Variants in CEP43 observed in about 807,000 individuals in gnomAD.
CEP43 encodes the protein FGFR1 oncogene partner.
Under a neutral mutation model 52.6 loss-of-function variants are expected in CEP43, and 36 were observed. That is an observed-to-expected ratio of 0.68 (90% CI 0.52 to 0.90). CEP43 has a LOEUF of 0.90. Ranked by LOEUF, CEP43 falls within the 40% of genes least tolerant of loss-of-function variation. CEP43 has a pLI of 0.00. For synonymous variants in CEP43, 192 were observed against 172.4 expected, an observed-to-expected ratio of 1.11 and a Z score of -0.89; for missense variants, 506 against 472.8, an observed-to-expected ratio of 1.07 and a Z score of -0.65.
intron 8 of CEP43, among the ~76,000 whole-genome samples, 188 bp downstream of exon 8, chr6:167,022,823 T>G (rs1171199902): frequency 6.6e-6 from 1 of 152,134 alleles, no homozygotes; most frequent in African/African-American, 2.4e-5. Flanking sequence ...TAGACATGAT[T>G]TATTCCAACA....
Position 167,040,290 on chromosome 6 carries a change from G to T in CEP43, c.*312G>T, listed in dbSNP as rs1780668909. 2 of 1,463,240 alleles carry T rather than the reference G, an allele frequency of 1.4e-6. No homozygotes were observed. The highest frequency in any genetic ancestry group is 1.8e-6 in the Non-Finnish European group (2 of 1,117,268). 90.6% of individuals were successfully genotyped at this position (1,463,240 alleles called of 1,614,324 possible). ...ATCAGTGTTAAGAGCATGATGAAAG[G>T]TGTCAATAAAGCCGTAGGATCGCGC... On this transcript the variant is annotated 3_prime_UTR_variant, in exon 13 of 13. Transcript: ENST00000366847.
Position 167,044,359 on chromosome 6 carries a change from A to G in CEP43, c.*4381A>G. 2.0e-6 allele frequency: 2 copies of G among 983,326 alleles called. No homozygotes were observed. Among genetic ancestry groups the G allele is most frequent in the Non-Finnish European group, 2.4e-6 (2 of 828,006 alleles). The allele number at this position is 983,326 out of a possible 1,614,324, so 60.9% of individuals were successfully genotyped here. A position where few individuals can be genotyped will look rare whatever the true frequency, so the allele number is the denominator to read the frequency against. ...CAGGGCTGAATAATGGGATGACTCA[A>G]AATCAGTAAGCTCAAAGGCAATTTC... On this transcript the variant is annotated 3_prime_UTR_variant, in exon 13 of 13. Transcript: ENST00000366847.
At chr6:166,999,731 G>A (rs764377322) in intron 1 of CEP43, 1 of 490,726 alleles carries the variant, frequency 2.0e-6, no homozygotes. Context: ...CGGACTGGGG[G>A]TGCCTGGCCC....
intron 8 of CEP43, among the ~76,000 whole-genome samples, chr6:167,023,240 A>G (rs2128664358): frequency 6.6e-6 from 1 of 152,202 alleles, no homozygotes; most frequent in South Asian, 2.1e-4. Flanking sequence ...CTTTTCTTTG[A>G]GACTGGAAGC....
At chr6:167,008,912 C>T (rs953449123) in intron 5 of CEP43, among the ~76,000 whole-genome samples, 3 of 152,120 alleles carry the variant, frequency 2.0e-5, no homozygotes, top group African/African-American at 7.2e-5. Flanking sequence ...AAGTGAAACA[C>T]ATAAGAAGGC....
At position 167,010,696 on chromosome 6, in the gene CEP43, GAAATA is replaced by G. The variant is rs1779965173; in HGVS notation, c.439-111_439-107del. 8.0e-6 allele frequency: 4 copies of G among 501,112 alleles called. No individual in the cohort carries two copies. The East Asian group carries it at 1.4e-4, about 18-fold the overall frequency. The allele number at this position is 501,112 out of a possible 1,614,324, so 31.0% of individuals were successfully genotyped here. ...CTAAAAAGGATGGTTACTTTAATAA[GAAATA>G]AAATACCAACATTGTATAGTGTTTT... On this transcript the variant is annotated intron_variant, in intron 5 of 12. Transcript: ENST00000366847.
intron 8 of CEP43, among the ~76,000 whole-genome samples, chr6:167,022,989 A>T (rs1409953178): frequency 6.6e-6 from 1 of 152,110 alleles, no homozygotes; most frequent in Admixed American, 6.5e-5. Context: ...GGGTGATGAG[A>T]GCAGAGCAGT....
chr6:167,014,899 A>G (rs1780060258), intron 7 of CEP43, among the ~76,000 whole-genome samples: 2 of 152,256 alleles, frequency 1.3e-5, no homozygotes, highest in African/African-American at 4.8e-5. Flanking sequence ...AATAGATTTT[A>G]AAAATCAGTT....
At chr6:167,030,746 A>G (rs1463223173) in intron 10 of CEP43, among the ~76,000 whole-genome samples, 2 of 151,902 alleles carry the variant, frequency 1.3e-5, no homozygotes, top group Non-Finnish European at 2.9e-5. Context: ...CCTTACTTTC[A>G]TTGTTGCCTC....
intron 8 of CEP43, among the ~76,000 whole-genome samples, chr6:167,024,374 G>A (rs1335338530): frequency 1.3e-5 from 2 of 152,158 alleles, no homozygotes; most frequent in African/African-American, 4.8e-5. Flanking sequence ...GACTTTAAGG[G>A]GAGTTCATCA....
chr6:167,011,650 T>G (rs1444988092), intron 6 of CEP43: 1 of 152,896 alleles, frequency 6.5e-6, no homozygotes. Context: ...GTACCATAGA[T>G]TGGGCAGCTT....
In CEP43 at chr6:167,051,216, G is replaced by A. The variant is rs376369114; in HGVS notation, c.*11238G>A. ...ATAGTCAAGTTATTTATAGTAATTG[G>A]GAAAGTTGCAAATCTTGTGACCTCT... On this transcript the variant is annotated 3_prime_UTR_variant, in exon 13 of 13. Coordinates refer to ENST00000366847, the MANE Select transcript of CEP43 (RefSeq NM_007045.4). 1 of 152,090 alleles carries A rather than the reference G, an allele frequency of 6.6e-6. No individual in the cohort carries two copies. Among genetic ancestry groups the A allele is most frequent in the East Asian group, 1.9e-4 (1 of 5,194 alleles). 9.4% of individuals were successfully genotyped at this position (152,090 alleles called of 1,614,324 possible).
chr6:167,004,666 A>G (rs771203661), intron 5 of CEP43, among the ~76,000 whole-genome samples: 16 of 56,650 alleles, frequency 2.8e-4, no homozygotes, highest in Non-Finnish European at 5.5e-4. Context: ...ACAAATCCCA[A>G]CTCCTCGTTG....
chr6:167,029,038 G>C (rs1296749856), intron 10 of CEP43, among the ~76,000 whole-genome samples: 1 of 152,206 alleles, frequency 6.6e-6, no homozygotes, highest in African/African-American at 2.4e-5. Flanking sequence ...TTTGTGGATG[G>C]CATGTACTGT....
Position 167,042,107 on chromosome 6 carries a change from G to T in CEP43, c.*2129G>T. ...GCCGGGATTACAGGCGTGAACCACC[G>T]CACCTGGCCAGTACTACATCCATTT... On this transcript the variant is annotated 3_prime_UTR_variant, in exon 13 of 13. Transcript: ENST00000366847. 12 of 1,005,986 alleles carry T rather than the reference G, an allele frequency of 1.2e-5. No individual in the cohort carries two copies. The highest frequency in any genetic ancestry group is 1.3e-5 in the Non-Finnish European group (11 of 840,912). The allele number at this position is 1,005,986 out of a possible 1,614,324, so 62.3% of individuals were successfully genotyped here. A position where few individuals can be genotyped will look rare whatever the true frequency, so the allele number is the denominator to read the frequency against.
intron 7 of CEP43, among the ~76,000 whole-genome samples, chr6:167,019,351 C>T (rs1780175360): frequency 6.6e-6 from 1 of 152,158 alleles, no homozygotes; most frequent in Non-Finnish European, 1.5e-5. Flanking sequence ...GGAGGAGCCA[C>T]TGAAACTGCT....
In CEP43 at chr6:167,049,292, T is replaced by C. The variant is rs555053392; in HGVS notation, c.*9314T>C. On this transcript the variant is annotated 3_prime_UTR_variant, in exon 13 of 13. Coordinates refer to ENST00000366847, the MANE Select transcript of CEP43 (RefSeq NM_007045.4). ...TAAATTTTATGAACTTCAAGTGCTA[T>C]AAAACAATTACCACAGTAAATTTTG... 1.3e-5 allele frequency: 2 copies of C among 152,364 alleles called. No homozygotes were observed. Among genetic ancestry groups the C allele is most frequent in the African/African-American group, 2.4e-5 (1 of 41,594 alleles). 9.4% of individuals were successfully genotyped at this position (152,364 alleles called of 1,614,324 possible).
At chr6:167,016,451 G>T (rs879942926) in intron 7 of CEP43, among the ~76,000 whole-genome samples, 1 of 152,110 alleles carries the variant, frequency 6.6e-6, no homozygotes, top group Non-Finnish European at 1.5e-5. Flanking sequence ...GTAGAGGCAG[G>T]GGTCTCACTA....
At chr6:166,999,999 T>G in intron 1 of CEP43, 61 bp from the exon 2 acceptor site, 33 of 1,430,362 alleles carry the variant, frequency 2.3e-5, no homozygotes, top group Non-Finnish European at 3.0e-5. Context: ...TGGATAAATG[T>G]GAGCTTGTTG....
Sources: allele counts gnomAD v4.1 joint callset (sites outside exome capture counted in the v4.1 genomes callset), GRCh38; gene constraint gnomAD v4.1.1; transcripts MANE v1.5; gene names NCBI Gene and HGNC (gene_info 2026-07-23, HGNC 2026-07-21).